The following ABHD2 variants were observed in gnomAD, a reference collection of about 807,000 sequenced individuals.
ABHD2 encodes the protein monoacylglycerol lipase ABHD2.
In ABHD2, 20 loss-of-function variants were observed where a neutral mutation model predicts 48.1. The observed-to-expected ratio is 0.42, with a 90% CI of 0.29 to 0.60. The LOEUF (loss-of-function observed/expected upper bound fraction) is 0.60, where lower values mean the gene tolerates loss of function less well. ABHD2 is among the 20% of genes least tolerant of loss of function. The probability of loss-of-function intolerance (pLI) is 0.24; values close to 1 mark genes in which losing one functional copy is unlikely to be tolerated. For synonymous variants in ABHD2, 209 were observed against 214.2 expected, an observed-to-expected ratio of 0.98 and a Z score of 0.21; for missense variants, 405 against 550.9, an observed-to-expected ratio of 0.74 and a Z score of 2.65.
rs1233981139 is a variant in ABHD2, at chr15:89,183,368, C to CAAAAAAA, written c.723-2045_723-2039dup. 9.7e-4 allele frequency: 60 copies of CAAAAAAA among 61,876 alleles called. 4 individuals carry two copies. Among genetic ancestry groups the CAAAAAAA allele is most frequent in the South Asian group, 2.4e-3 (3 of 1,268 alleles). The allele number at this position is 61,876 out of a possible 1,614,324, so 3.8% of individuals were successfully genotyped here. A position where few individuals can be genotyped will look rare whatever the true frequency, so the allele number is the denominator to read the frequency against. On this transcript the variant is annotated intron_variant, in intron 6 of 10. Coordinates refer to ENST00000352732, the MANE Select transcript of ABHD2 (RefSeq NM_152924.5). The stretch of plus-strand genomic sequence containing the variant: ...TGGTATTGAAGACATCAGTCCTTTT[C>CAAAAAAA]AAAAAAAAAAAAAAAAATATATATA...
chr15:89,148,043 C>T (rs1040414858), intron 3 of ABHD2, among the ~76,000 whole-genome samples: 2 of 145,778 alleles, frequency 1.4e-5, no homozygotes, highest in African/African-American at 2.5e-5. Context: ...CTGTTGGACC[C>T]GGGAGGCAGA....
intron 5 of ABHD2, among the ~76,000 whole-genome samples, chr15:89,162,148 G>A (rs936263968): frequency 6.6e-6 from 1 of 152,114 alleles, no homozygotes; most frequent in East Asian, 1.9e-4. Flanking sequence ...CGGGGGTTAC[G>A]AGTTCAGCAT....
chr15:89,145,073 A>G (rs1219077987), intron 3 of ABHD2, among the ~76,000 whole-genome samples: 3 of 152,198 alleles, frequency 2.0e-5, no homozygotes, highest in Non-Finnish European at 2.9e-5. Flanking sequence ...CCTGGCCAAC[A>G]TGGTGAAACT....
intron 5 of ABHD2, among the ~76,000 whole-genome samples, chr15:89,157,591 C>A (rs561203955): frequency 9.6e-4 from 146 of 152,280 alleles, no homozygotes; most frequent in African/African-American, 3.4e-3. Flanking sequence ...AGCCTGTAAT[C>A]CCAGCACTTT....
Position 89,155,324 on chromosome 15 carries a change from C to G in ABHD2, c.371-43C>G, listed in dbSNP as rs150378150. 1.6e-3 allele frequency: 2,599 copies of G among 1,581,248 alleles called. 55 individuals are homozygous for G. In the Admixed American group the frequency reaches 0.04, roughly 25 times the overall value. ...GTGTAATTATGTCCATTTATCATGT[C>G]ACATTTCTTGGATACATCAGGATCT... On this transcript the variant is annotated intron_variant, in intron 4 of 10. Transcript: ENST00000352732. This position sits in a 1 kb window ranked among gnomAD's most constrained non-coding sequence, Gnocchi z 4.9.
At position 89,106,709 on chromosome 15, in the gene ABHD2, T is replaced by C. The variant is rs1307238936; in HGVS notation, c.-106-7016T>C. ...GATAAAGTGGGGAGAAGGTGGCCCA[T>C]TTCCTCCTTACTTTCTCTCCAAGGG... On this transcript the variant is annotated intron_variant, in intron 1 of 10. Transcript: ENST00000352732. This position sits in a 1 kb window ranked among gnomAD's most constrained non-coding sequence, Gnocchi z 4.2. Among the ~76,000 whole-genome samples the C allele has an allele frequency of 1.3e-5, 2 of 152,196 alleles. No individual in the cohort carries two copies. The highest frequency in any genetic ancestry group is 2.9e-5 in the Non-Finnish European group (2 of 68,014).
At chr15:89,073,779 G>A in the ABHD2 span, among the ~76,000 whole-genome samples, 1 of 152,126 alleles carries the variant, frequency 6.6e-6, no homozygotes, top group South Asian at 2.1e-4. Flanking sequence ...ACACATCTGT[G>A]GATCACACTG....
chr15:89,194,326 C>G (rs1477945175), intron 10 of ABHD2, among the ~76,000 whole-genome samples: 1 of 151,854 alleles, frequency 6.6e-6, no homozygotes, highest in African/African-American at 2.4e-5. Flanking sequence ...TGGTGAAACC[C>G]CATCTCTACT....
At chr15:89,135,518 G>GA (rs949599712) in intron 3 of ABHD2, 73 of 1,191,148 alleles carry the variant, frequency 6.1e-5, no homozygotes, top group Non-Finnish European at 6.5e-5. Flanking sequence ...TTATAGACGA[G>GA]AAAAAAAACT....
chr15:89,066,458 G>T, the ABHD2 span, among the ~76,000 whole-genome samples: 1 of 152,120 alleles, frequency 6.6e-6, no homozygotes, highest in Non-Finnish European at 1.5e-5. Context: ...CCTTAATCCA[G>T]TATGACCTCA....
chr15:89,054,624 G>C, the ABHD2 span, among the ~76,000 whole-genome samples: 1 of 151,782 alleles, frequency 6.6e-6, no homozygotes, highest in African/African-American at 2.4e-5. Context: ...AGGATGCAGT[G>C]AGCCGAGGTT....
chr15:89,104,463 G>T lies in ABHD2; in HGVS notation c.-106-9262G>T, dbSNP rs772836785. Among the ~76,000 whole-genome samples the T allele has an allele frequency of 6.6e-6, 1 of 152,170 alleles. No individual in the cohort carries two copies. The highest frequency in any genetic ancestry group is 2.4e-5 in the African/African-American group (1 of 41,426). ...ATGCAAGACTGTTAGAGTGATAATG[G>T]GCTGCACGTGTTAATGCTGTCATCA... On this transcript the variant is annotated intron_variant, in intron 1 of 10. Transcript: ENST00000352732. This position sits in a 1 kb window ranked among gnomAD's most constrained non-coding sequence, Gnocchi z 4.4.
At chr15:89,139,832 AG>A (rs200011876) in intron 3 of ABHD2, among the ~76,000 whole-genome samples, 16 of 152,308 alleles carry the variant, frequency 1.1e-4, no homozygotes, top group African/African-American at 3.8e-4. Flanking sequence ...CTGGAAACTG[AG>A]GAAACATCCC....
At chr15:89,157,175 A>C (rs1567095630) in intron 5 of ABHD2, among the ~76,000 whole-genome samples, 1 of 152,240 alleles carries the variant, frequency 6.6e-6, no homozygotes, top group Non-Finnish European at 1.5e-5. Context: ...GTTTTTCAGC[A>C]TTTTAAATAA....
chr15:89,079,579 G>A, the ABHD2 span, among the ~76,000 whole-genome samples: 1 of 152,174 alleles, frequency 6.6e-6, no homozygotes, highest in Non-Finnish European at 1.5e-5. This position sits in a 1 kb window ranked among gnomAD's most constrained non-coding sequence, Gnocchi z 4.3. Context: ...GGCAGCATGA[G>A]GAGCTCCATG....
chr15:89,059,943 A>T, the ABHD2 span, among the ~76,000 whole-genome samples: 1 of 152,116 alleles, frequency 6.6e-6, no homozygotes, highest in Non-Finnish European at 1.5e-5. Flanking sequence ...TTGGTCTCCC[A>T]GTGCATTGGC....
intron 5 of ABHD2, among the ~76,000 whole-genome samples, chr15:89,158,339 G>A (rs1281433224): frequency 1.3e-5 from 2 of 152,258 alleles, no homozygotes; most frequent in Admixed American, 6.5e-5. Flanking sequence ...AGATAGCAGA[G>A]TAACTGGGTC....
Position 89,185,483 on chromosome 15 carries a change from C to A in ABHD2, c.782C>A (p.Ala261Asp). 1 of 1,614,150 alleles carries A rather than the reference C, an allele frequency of 6.2e-7. No individual in the cohort carries two copies. The highest frequency in any genetic ancestry group is 8.5e-7 in the Non-Finnish European group (1 of 1,180,020). Residue 261 changes from alanine (A) to aspartate (D), a missense_variant, in exon 7 of 11, where the codon GCT becomes GAT. Physicochemically the swap from Ala to Asp is moderately radical, Grantham distance 126. Transcript: ENST00000352732. The surrounding 1 kb of genome is among the most constrained non-coding windows in gnomAD (Gnocchi z 5.9). ...QCRRFYNFLMADNMKKIILSH... is the reference protein window; with the variant it reads ...QCRRFYNFLMDDNMKKIILSH... ...CGGCGGTTCTACAACTTCCTCATGGCTGACAACATGAAGAAGATCATCCTC... is the reference window on the plus strand; with the variant it reads ...CGGCGGTTCTACAACTTCCTCATGGATGACAACATGAAGAAGATCATCCTC...
Position 89,196,749 on chromosome 15 carries a change from G to A in ABHD2, c.*1326G>A, listed in dbSNP as rs1325357808. ...TTCCAACCTAAGTGGGTATTATTTT[G>A]AAACCAGATTTTTAATTTAATAGCC... On this transcript the variant is annotated 3_prime_UTR_variant, in exon 11 of 11. Coordinates refer to ENST00000352732, the MANE Select transcript of ABHD2 (RefSeq NM_152924.5). The A allele has an allele frequency of 6.6e-6, 1 of 152,384 alleles. No individual in the cohort carries two copies. The highest frequency in any genetic ancestry group is 6.6e-5 in the Admixed American group (1 of 15,262). The allele number at this position is 152,384 out of a possible 1,614,324, so 9.4% of individuals were successfully genotyped here. A position where few individuals can be genotyped will look rare whatever the true frequency, so the allele number is the denominator to read the frequency against.
Sources: allele counts gnomAD v4.1 joint callset (sites outside exome capture counted in the v4.1 genomes callset), GRCh38; gene constraint gnomAD v4.1.1; non-coding constraint Gnocchi (gnomAD v3.1); transcripts MANE v1.5; gene names NCBI Gene and HGNC (gene_info 2026-07-23, HGNC 2026-07-21).